Variants in MTCL3 observed in about 807,000 individuals in gnomAD.
MTCL3 encodes MTCL family member 3, also known as microtubule cross-linking factor 3.
chr6:127,510,667 T>C, the MTCL3 span, among the ~76,000 whole-genome samples: 1 of 152,250 alleles, frequency 6.6e-6, no homozygotes. Context: ...GAAGTTTGTT[T>C]GTACTTGAAT....
At chr6:127,484,566 T>C in the MTCL3 span, among the ~76,000 whole-genome samples, 20 of 152,192 alleles carry the variant, frequency 1.3e-4, no homozygotes, top group Non-Finnish European at 2.8e-4. Flanking sequence ...TAAATACTTA[T>C]TGAATGCTTG....
At chr6:127,509,294 T>C in the MTCL3 span, among the ~76,000 whole-genome samples, 1 of 152,182 alleles carries the variant, frequency 6.6e-6, no homozygotes, top group Non-Finnish European at 1.5e-5. Context: ...TCAATTCTTC[T>C]TACTCCCAGG....
At chr6:127,473,485 C>T in the MTCL3 span, 1 of 986,478 alleles carries the variant, frequency 1.0e-6, no homozygotes. Context: ...AGTCATTCAA[C>T]TTAAAAAAGA....
At chr6:127,501,302 T>C in the MTCL3 span, among the ~76,000 whole-genome samples, 1 of 152,212 alleles carries the variant, frequency 6.6e-6, no homozygotes, top group Non-Finnish European at 1.5e-5. Context: ...AGCTACATTT[T>C]ACCCTTGATA....
chr6:127,495,216 T>G, the MTCL3 span, among the ~76,000 whole-genome samples: 1 of 151,876 alleles, frequency 6.6e-6, no homozygotes, highest in Non-Finnish European at 1.5e-5. Flanking sequence ...AAAAAAATTA[T>G]TTTATATCTT....
At chr6:127,478,669 G>A in the MTCL3 span, among the ~76,000 whole-genome samples, 2 of 152,010 alleles carry the variant, frequency 1.3e-5, no homozygotes, top group Non-Finnish European at 2.9e-5. Context: ...GTGTAGAGGT[G>A]ATGGTTGAAC....
At chr6:127,484,545 A>C in the MTCL3 span, among the ~76,000 whole-genome samples, 2 of 152,316 alleles carry the variant, frequency 1.3e-5, no homozygotes, top group African/African-American at 4.8e-5. Context: ...GAAGCGTTGA[A>C]TTTGTTTCAC....
chr6:127,478,732 C>T, the MTCL3 span, among the ~76,000 whole-genome samples: 18 of 152,060 alleles, frequency 1.2e-4, no homozygotes, highest in African/African-American at 4.3e-4. Flanking sequence ...GAAAGGGAGA[C>T]ATATGGCCAG....
the MTCL3 span, among the ~76,000 whole-genome samples, chr6:127,479,337 C>T: frequency 3.3e-5 from 5 of 152,110 alleles, no homozygotes; most frequent in East Asian, 1.9e-4. Flanking sequence ...TTTACTGGAA[C>T]GCATTTTATC....
chr6:127,475,813 A>T, the MTCL3 span: 1 of 1,612,722 alleles, frequency 6.2e-7, no homozygotes, highest in South Asian at 1.1e-5. The surrounding 1 kb of genome is among the most constrained non-coding windows in gnomAD (Gnocchi z 7.3). Context: ...GTGCGAGGCC[A>T]GGTCGTAGCG....
the MTCL3 span, chr6:127,473,125 T>C: frequency 5.9e-6 from 7 of 1,192,824 alleles, no homozygotes; most frequent in Non-Finnish European, 7.3e-6. Flanking sequence ...TTGGTCTTGG[T>C]AAGATGAGTT....
chr6:127,489,449 G>A, the MTCL3 span, among the ~76,000 whole-genome samples: 9,656 of 152,266 alleles, frequency 0.063, 1,069 homozygotes, highest in African/African-American at 0.22. Flanking sequence ...GCTTGGTGAC[G>A]TAGGCATGTC....
chr6:127,510,378 C>A, the MTCL3 span, among the ~76,000 whole-genome samples: 2 of 152,030 alleles, frequency 1.3e-5, no homozygotes, highest in African/African-American at 2.4e-5. Flanking sequence ...GCAAAAGAAT[C>A]AAGGAAACGC....
At chr6:127,504,962 C>A in the MTCL3 span, among the ~76,000 whole-genome samples, 3 of 152,062 alleles carry the variant, frequency 2.0e-5, no homozygotes, top group Admixed American at 6.5e-5. Flanking sequence ...GGTTAAAAAC[C>A]CCACCTCAAG....
chr6:127,516,135 G>A, the MTCL3 span: 1 of 1,452,966 alleles, frequency 6.9e-7, no homozygotes, highest in Non-Finnish European at 9.0e-7. Context: ...CGAGCGGAGG[G>A]GGTTCCCCGA....
At chr6:127,496,776 C>G in the MTCL3 span, among the ~76,000 whole-genome samples, 1 of 152,110 alleles carries the variant, frequency 6.6e-6, no homozygotes, top group African/African-American at 2.4e-5. Context: ...TGATATGACA[C>G]AGATGAATGA....
the MTCL3 span, among the ~76,000 whole-genome samples, chr6:127,493,259 A>G: frequency 2.6e-5 from 4 of 152,334 alleles, no homozygotes; most frequent in Admixed American, 2.0e-4. Context: ...TACCCAGAAA[A>G]TTATCAATTT....
chr6:127,478,164 C>A, the MTCL3 span, among the ~76,000 whole-genome samples: 3 of 152,130 alleles, frequency 2.0e-5, no homozygotes, highest in Admixed American at 1.3e-4. Context: ...GGACATGTTA[C>A]AATGTTTTGG....
At chr6:127,483,021 T>G in the MTCL3 span, 1 of 1,489,798 alleles carries the variant, frequency 6.7e-7, no homozygotes, top group Non-Finnish European at 9.1e-7. Context: ...TTGGATAAAC[T>G]ATAATTTTAA....
Sources: gnomAD v4.1 joint callset for allele counts (sites outside exome capture counted in the v4.1 genomes callset) on GRCh38, gnomAD v4.1.1 for gene constraint, Gnocchi (gnomAD v3.1) non-coding constraint, MANE v1.5 for transcripts, NCBI Gene and HGNC (gene_info 2026-07-23, HGNC 2026-07-21) for gene names.